KSR1: variants seen among roughly 807,000 people sequenced by gnomAD.
KSR1 encodes the protein kinase suppressor of ras 1.
A neutral mutation model predicts 92.9 loss-of-function variants in KSR1; 35 were observed. That is an observed-to-expected ratio of 0.38 (90% CI 0.29 to 0.50). The LOEUF (loss-of-function observed/expected upper bound fraction) is 0.50. KSR1 is among the 20% of genes least tolerant of loss of function. KSR1 has a pLI of 0.94. For synonymous variants in KSR1, 467 were observed against 472.6 expected (o/e 0.99, Z 0.15); for missense variants, 972 against 1,158.5 (o/e 0.84, Z 2.34).
chr17:27,572,453 G>A (rs2072347029), intron 2 of KSR1, among the ~76,000 whole-genome samples: 1 of 152,248 alleles, frequency 6.6e-6, no homozygotes, highest in South Asian at 2.1e-4. Flanking sequence ...GGGGTGGGCA[G>A]TAATTCCTTG....
intron 1 of KSR1, among the ~76,000 whole-genome samples, chr17:27,468,328 C>T (rs1300910812): frequency 2.0e-5 from 3 of 151,826 alleles, no homozygotes; most frequent in African/African-American, 4.8e-5. Flanking sequence ...CTCTGCCTCC[C>T]GGGCTCAAAC....
chr17:27,482,300 G>A (rs1017727219), intron 1 of KSR1, among the ~76,000 whole-genome samples: 27 of 152,158 alleles, frequency 1.8e-4, no homozygotes, highest in Non-Finnish European at 2.9e-4. Flanking sequence ...GGGGTTGCAG[G>A]AGCAGGGATT....
At chr17:27,542,675 C>A (rs556688561) in intron 1 of KSR1, among the ~76,000 whole-genome samples, 26 of 152,272 alleles carry the variant, frequency 1.7e-4, no homozygotes, top group Admixed American at 7.2e-4. Flanking sequence ...CAAACGGCAC[C>A]TGCCAAAAGT....
chr17:27,584,637 G>A (rs1410117893), intron 4 of KSR1, among the ~76,000 whole-genome samples: 1 of 152,176 alleles, frequency 6.6e-6, no homozygotes, highest in African/African-American at 2.4e-5. Context: ...ACAGCTTCAG[G>A]CAGATGACAC....
chr17:27,527,162 A>G (rs7222355), intron 1 of KSR1: 103,922 of 263,818 alleles, frequency 0.39, 21,743 homozygotes, highest in African/African-American at 0.55. Context: ...TAAAATCAGC[A>G]GGGTACTCTT....
At chr17:27,613,246 C>T (rs1598150710) in intron 18 of KSR1, 1 of 152,702 alleles carries the variant, frequency 6.5e-6, no homozygotes, top group Admixed American at 6.5e-5. Context: ...TAAACACCAC[C>T]TTCACCTTGG....
rs34481724 is a variant in KSR1, at chr17:27,548,229, C to CA, written c.232-2323dup. On this transcript the variant is annotated intron_variant, in intron 1 of 20. Coordinates refer to ENST00000644974, the MANE Select transcript of KSR1 (RefSeq NM_001394583.1). The stretch of plus-strand genomic sequence containing the variant: ...TAGGCAACATAGTGAGACCCCATCT[C>CA]AAAAAAAAAAAAAAAAGATAAAGAT... Among the ~76,000 whole-genome samples the CA allele has an allele frequency of 7.6e-3, 679 of 89,692 alleles. 4 individuals carry two copies. Among genetic ancestry groups the CA allele is most frequent in the African/African-American group, 0.02 (486 of 24,406 alleles). 58.8% of individuals were successfully genotyped at this position (89,692 alleles called of 152,430 possible).
intron 1 of KSR1, among the ~76,000 whole-genome samples, chr17:27,533,196 C>T (rs192115303): frequency 4.7e-4 from 72 of 152,244 alleles, no homozygotes; most frequent in African/African-American, 1.7e-3. Flanking sequence ...GACTGTTCCT[C>T]ATCCTCAGTT....
chr17:27,476,510 C>T (rs912589363), intron 1 of KSR1, among the ~76,000 whole-genome samples: 8 of 152,104 alleles, frequency 5.3e-5, no homozygotes, highest in African/African-American at 1.2e-4. Flanking sequence ...ACTGTGGTGC[C>T]GTTGGTATGA....
At chr17:27,461,781 C>T (rs1020370604) in intron 1 of KSR1, among the ~76,000 whole-genome samples, 5 of 148,232 alleles carry the variant, frequency 3.4e-5, no homozygotes, top group East Asian at 2.0e-4. Context: ...CCTTCTTCCA[C>T]GTCAGGGTTG....
chr17:27,469,679 G>A (rs1452259544), intron 1 of KSR1, among the ~76,000 whole-genome samples: 1 of 152,088 alleles, frequency 6.6e-6, no homozygotes, highest in Non-Finnish European at 1.5e-5. Context: ...TACTTAGAAG[G>A]AGTTCAGTGT....
intron 1 of KSR1, among the ~76,000 whole-genome samples, chr17:27,547,700 A>G (rs1161618785): frequency 1.3e-5 from 2 of 152,000 alleles, no homozygotes; most frequent in Admixed American, 1.3e-4. Context: ...CTCAGCCTGT[A>G]TCTCAATATA....
intron 1 of KSR1, among the ~76,000 whole-genome samples, chr17:27,492,077 G>A (rs1033322910): frequency 2.6e-5 from 4 of 152,178 alleles, no homozygotes; most frequent in Non-Finnish European, 5.9e-5. Flanking sequence ...CGCCTTTGCT[G>A]GAGACAGACG....
chr17:27,588,340 A>G, intron 5 of KSR1, 135 bp from the exon 6 acceptor site: 1 of 664,142 alleles, frequency 1.5e-6, no homozygotes, highest in Admixed American at 3.1e-5. Flanking sequence ...GTTGATGGAC[A>G]TAGATCAGGG....
intron 1 of KSR1, 108 bp from the exon 2 acceptor site, chr17:27,550,460 C>T: frequency 2.8e-6 from 2 of 705,494 alleles, no homozygotes; most frequent in Non-Finnish European, 5.2e-6. Context: ...AGCCCCTTCC[C>T]TCATCACATT....
At chr17:27,470,922 G>A (rs920521255) in intron 1 of KSR1, among the ~76,000 whole-genome samples, 2 of 151,768 alleles carry the variant, frequency 1.3e-5, no homozygotes, top group Non-Finnish European at 2.9e-5. Flanking sequence ...CCAGGCTGGA[G>A]TGCAGTGGCA....
At chr17:27,620,984 G>T (rs143157091) in intron 19 of KSR1, 6 of 382,668 alleles carry the variant, frequency 1.6e-5, no homozygotes, top group Non-Finnish European at 9.2e-6. Context: ...CTTTCTACAC[G>T]CTTGCCCCCT....
intron 1 of KSR1, among the ~76,000 whole-genome samples, chr17:27,497,591 A>T (rs2069034612): frequency 6.6e-6 from 1 of 152,206 alleles, no homozygotes; most frequent in Non-Finnish European, 1.5e-5. Flanking sequence ...CCCCAAATAT[A>T]TAATAATGTT....
At chr17:27,531,576 T>G (rs1483868185) in intron 1 of KSR1, among the ~76,000 whole-genome samples, 1 of 152,156 alleles carries the variant, frequency 6.6e-6, no homozygotes, top group Non-Finnish European at 1.5e-5. Context: ...ACCCCTCCTG[T>G]GGGGCTGCTG....
Sources: allele counts gnomAD v4.1 joint callset (sites outside exome capture counted in the v4.1 genomes callset), GRCh38; gene constraint gnomAD v4.1.1; transcripts MANE v1.5; gene names NCBI Gene and HGNC (gene_info 2026-07-23, HGNC 2026-07-21).